Variants in MAP4 observed in about 807,000 individuals in gnomAD.
MAP4 encodes microtubule associated protein 4.
In MAP4, 76 loss-of-function variants were observed where a neutral mutation model predicts 170.2. The ratio of observed to expected loss-of-function variants is 0.45; its 90% CI spans 0.37 to 0.54. The LOEUF is 0.54. Ranked by LOEUF, MAP4 falls within the 20% of genes least tolerant of loss-of-function variation. MAP4 has a pLI of 0.00. For missense variants in MAP4, 2,506 were observed against 2,748.0 expected (o/e 0.91, Z 1.97); for synonymous variants, 909 against 994.5 (o/e 0.91, Z 1.62).
chr3:48,086,268 A>G lies in MAP4; in HGVS notation c.-20+2505T>C, dbSNP rs2100148982. Among the ~76,000 whole-genome samples, 10 of 152,174 alleles carry G rather than the reference A, an allele frequency of 6.6e-5. No homozygotes were observed. The South Asian group carries it at 1.9e-3, about 28-fold the overall frequency. On this transcript the variant is annotated intron_variant, in intron 1 of 18. Coordinates refer to the MAP4 transcript ENST00000360240. ...AACCTGGGAGGCAGAGGTTGCAGTG[A>G]GCCAAGATCATGCCACTGCACTCCA...
At chr3:48,026,484 T>C (rs1424226783) in intron 1 of MAP4, among the ~76,000 whole-genome samples, 2 of 152,196 alleles carry the variant, frequency 1.3e-5, no homozygotes, top group Non-Finnish European at 2.9e-5. Flanking sequence ...AAGAAACGAA[T>C]ATATTTTTAC....
chr3:48,077,373 G>A (rs1462131530), intron 1 of MAP4, among the ~76,000 whole-genome samples: 1 of 151,386 alleles, frequency 6.6e-6, no homozygotes, highest in African/African-American at 2.4e-5. Flanking sequence ...TTGAACCCGG[G>A]AGGCGGAGGT....
At chr3:48,030,070 T>C in intron 1 of MAP4, among the ~76,000 whole-genome samples, 1 of 147,836 alleles carries the variant, frequency 6.8e-6, no homozygotes, top group Non-Finnish European at 1.5e-5. Context: ...TATTCACATG[T>C]AATATATATT....
chr3:48,031,289 C>A (rs1364584838), intron 1 of MAP4, among the ~76,000 whole-genome samples: 1 of 152,174 alleles, frequency 6.6e-6, no homozygotes, highest in Admixed American at 6.6e-5. Context: ...CGGTGGCTCA[C>A]ACCTGTAATC....
At chr3:47,854,709 C>T (rs1488993904) in intron 19 of MAP4, among the ~76,000 whole-genome samples, 3 of 150,294 alleles carry the variant, frequency 2.0e-5, no homozygotes, top group Middle Eastern at 3.4e-3. Flanking sequence ...GCCACTTGAG[C>T]TCTGTCCCAG....
intron 2 of MAP4, among the ~76,000 whole-genome samples, chr3:47,980,573 A>G (rs140119351): frequency 2.0e-4 from 30 of 152,340 alleles, no homozygotes; most frequent in African/African-American, 7.0e-4. Flanking sequence ...AACAATCTAA[A>G]AGAACAAGGC....
chr3:47,901,542 G>A (rs1254560010), intron 10 of MAP4, among the ~76,000 whole-genome samples: 3 of 151,938 alleles, frequency 2.0e-5, no homozygotes, highest in Non-Finnish European at 4.4e-5. Flanking sequence ...CGGGCACGGA[G>A]GCACGCACCT....
At chr3:47,942,864 A>T (rs577568054) in intron 3 of MAP4, among the ~76,000 whole-genome samples, 2 of 152,284 alleles carry the variant, frequency 1.3e-5, no homozygotes, top group African/African-American at 4.8e-5. Flanking sequence ...AATCATCGCA[A>T]TTTGGGAGGT....
At chr3:47,885,979 C>G (rs551738560) in intron 10 of MAP4, among the ~76,000 whole-genome samples, 3 of 152,284 alleles carry the variant, frequency 2.0e-5, no homozygotes, top group Admixed American at 6.5e-5. Context: ...CCGCCCGCCT[C>G]GGCCTCCCAA....
chr3:48,039,588 T>A (rs996910117), intron 1 of MAP4: 1 of 152,258 alleles, frequency 6.6e-6, no homozygotes, highest in Non-Finnish European at 1.5e-5. Context: ...GGACATCCCA[T>A]GGAAAGGTGG....
At chr3:48,072,573 A>G (rs1489686996) in intron 1 of MAP4, among the ~76,000 whole-genome samples, 31 of 152,180 alleles carry the variant, frequency 2.0e-4, no homozygotes, top group Non-Finnish European at 2.9e-5. Flanking sequence ...CTAGGGAAAT[A>G]ATATATAAAA....
At chr3:47,965,142 G>T (rs893065545) in intron 3 of MAP4, among the ~76,000 whole-genome samples, 1 of 152,082 alleles carries the variant, frequency 6.6e-6, no homozygotes, top group African/African-American at 2.4e-5. Context: ...TTTAGGTACC[G>T]CATATAAATT....
intron 2 of MAP4, among the ~76,000 whole-genome samples, chr3:47,997,326 T>TAAA: frequency 8.4e-4 from 38 of 44,982 alleles, no homozygotes; most frequent in Non-Finnish European, 1.2e-3. Flanking sequence ...TTTAAACTGC[T>TAAA]AAAAAAAAAA....
chr3:47,863,806 G>A (rs2073289949), intron 17 of MAP4, among the ~76,000 whole-genome samples: 1 of 151,858 alleles, frequency 6.6e-6, no homozygotes, highest in Non-Finnish European at 1.5e-5. Context: ...CTCTCATCAA[G>A]GGGTATGTCT....
At chr3:48,052,297 C>A (rs1379664300) in intron 1 of MAP4, among the ~76,000 whole-genome samples, 1 of 152,190 alleles carries the variant, frequency 6.6e-6, no homozygotes, top group Non-Finnish European at 1.5e-5. Context: ...TCTTGGCTCA[C>A]TGCAACCTCC....
chr3:48,045,893 C>G (rs2100124286), intron 1 of MAP4, among the ~76,000 whole-genome samples: 1 of 151,828 alleles, frequency 6.6e-6, no homozygotes, highest in South Asian at 2.1e-4. Flanking sequence ...CTGTCTGAGT[C>G]TGGAATAGCA....
intron 2 of MAP4, among the ~76,000 whole-genome samples, chr3:47,982,874 A>C (rs1040824218): frequency 6.6e-6 from 1 of 152,168 alleles, no homozygotes; most frequent in Non-Finnish European, 1.5e-5. Flanking sequence ...GAAATAAATA[A>C]GATTACATGA....
chr3:47,963,308 A>G (rs1385903069), intron 3 of MAP4, among the ~76,000 whole-genome samples: 1 of 152,236 alleles, frequency 6.6e-6, no homozygotes, highest in Non-Finnish European at 1.5e-5. Context: ...CATCATTCTA[A>G]TATCATCTTA....
intron 2 of MAP4, among the ~76,000 whole-genome samples, chr3:47,980,001 A>G (rs1388468203): frequency 2.6e-5 from 4 of 151,384 alleles, no homozygotes; most frequent in African/African-American, 7.3e-5. Context: ...ATTTTTCATT[A>G]TTATTATTTT....
Sources: allele counts gnomAD v4.1 joint callset (sites outside exome capture counted in the v4.1 genomes callset), GRCh38; gene constraint gnomAD v4.1.1; transcripts MANE v1.5; gene names NCBI Gene and HGNC (gene_info 2026-07-23, HGNC 2026-07-21).